Variants in EYS observed in about 807,000 individuals in gnomAD.
The protein encoded by EYS is EGF-like photoreceptor maintenance factor.
In EYS, 250 loss-of-function variants were observed where a neutral mutation model predicts 282.1. The observed-to-expected ratio is 0.89, with a 90% CI of 0.80 to 0.98. EYS has a LOEUF of 0.98. Among genes scored for constraint, EYS ranks in the 50% least tolerant of loss-of-function variants. The probability of loss-of-function intolerance (pLI) is 0.00; values close to 1 mark genes in which losing one functional copy is unlikely to be tolerated. For synonymous variants in EYS, 1,355 were observed against 1,282.9 expected, an observed-to-expected ratio of 1.06 and a Z score of -1.20; for missense variants, 4,016 against 3,709.0, an observed-to-expected ratio of 1.08 and a Z score of -2.15.
intron 11 of EYS, among the ~76,000 whole-genome samples, chr6:65,334,718 A>G (rs1483735815): frequency 6.6e-6 from 1 of 151,864 alleles, no homozygotes; most frequent in Non-Finnish European, 1.5e-5. Flanking sequence ...TGCTAACTTA[A>G]TTCTACAATG....
At chr6:64,313,784 G>A (rs1344225376) in intron 29 of EYS, among the ~76,000 whole-genome samples, 1 of 152,084 alleles carries the variant, frequency 6.6e-6, no homozygotes, top group African/African-American at 2.4e-5. Context: ...ATAAGTGAAG[G>A]AGAAATAAAA....
chr6:64,032,743 T>C (rs995253870), intron 33 of EYS, among the ~76,000 whole-genome samples: 1 of 152,188 alleles, frequency 6.6e-6, no homozygotes, highest in Non-Finnish European at 1.5e-5. Context: ...TTACTAATAC[T>C]GGATTATAAA....
At chr6:65,558,775 G>T (rs1768916979) in intron 2 of EYS, among the ~76,000 whole-genome samples, 1 of 152,202 alleles carries the variant, frequency 6.6e-6, no homozygotes, top group East Asian at 1.9e-4. Context: ...AAATGCATCA[G>T]CCTGGCCTAT....
chr6:64,264,755 CA>C (rs2150354645), intron 30 of EYS, among the ~76,000 whole-genome samples: 1 of 152,004 alleles, frequency 6.6e-6, no homozygotes, highest in South Asian at 2.1e-4. Flanking sequence ...ACTAAAAATA[CA>C]AAAATTTTCC....
At chr6:64,133,550 A>G (rs1040634471) in intron 31 of EYS, among the ~76,000 whole-genome samples, 15 of 151,840 alleles carry the variant, frequency 9.9e-5, no homozygotes, top group African/African-American at 3.1e-4. Context: ...AACTATGTCA[A>G]TAGTGCTCAT....
chr6:65,527,201 C>T (rs1279063788), intron 2 of EYS, among the ~76,000 whole-genome samples: 1 of 152,144 alleles, frequency 6.6e-6, no homozygotes. Context: ...GTAGTATATT[C>T]TGGTTAACCC....
intron 33 of EYS, among the ~76,000 whole-genome samples, chr6:64,012,598 T>C (rs1768690000): frequency 6.6e-6 from 1 of 152,222 alleles, no homozygotes; most frequent in South Asian, 2.1e-4. Flanking sequence ...TGGGTGAAAC[T>C]GTCCAGAGAC....
chr6:64,150,150 G>T (rs1471004377), intron 31 of EYS, among the ~76,000 whole-genome samples: 1 of 152,150 alleles, frequency 6.6e-6, no homozygotes, highest in Non-Finnish European at 1.5e-5. Context: ...CAGAAATGTG[G>T]AATCTCAGGC....
chr6:63,890,822 A>G (rs370922104), intron 35 of EYS, among the ~76,000 whole-genome samples: 2 of 152,260 alleles, frequency 1.3e-5, no homozygotes, highest in African/African-American at 4.8e-5. Flanking sequence ...TTTTTTGAAA[A>G]CATTAACAAA....
chr6:64,406,941 A>G (rs1037859494), intron 28 of EYS, among the ~76,000 whole-genome samples: 3 of 152,246 alleles, frequency 2.0e-5, no homozygotes, highest in Non-Finnish European at 2.9e-5. Context: ...CAGCAGTCCC[A>G]TTACTGGGTA....
intron 33 of EYS, among the ~76,000 whole-genome samples, chr6:64,038,354 A>G (rs1323672881): frequency 6.6e-6 from 1 of 152,180 alleles, no homozygotes; most frequent in Non-Finnish European, 1.5e-5. Context: ...GTGAGGTAAT[A>G]TATATGTTAA....
chr6:65,202,398 G>A (rs1163188970), intron 12 of EYS, among the ~76,000 whole-genome samples: 1 of 152,064 alleles, frequency 6.6e-6, no homozygotes, highest in Non-Finnish European at 1.5e-5. Flanking sequence ...CTAGCTGTTT[G>A]TGAAAGCTGT....
At chr6:64,553,083 A>G (rs1258399229) in intron 26 of EYS, among the ~76,000 whole-genome samples, 1 of 152,154 alleles carries the variant, frequency 6.6e-6, no homozygotes, top group Non-Finnish European at 1.5e-5. Context: ...CCTAAAATGT[A>G]TAAAACCAAG....
At chr6:64,979,348 A>C (rs1218178661) in intron 14 of EYS, among the ~76,000 whole-genome samples, 1 of 151,806 alleles carries the variant, frequency 6.6e-6, no homozygotes, top group East Asian at 1.9e-4. Context: ...GTACTAGCTA[A>C]TTAATTATAT....
At chr6:64,708,353 C>T (rs1299531114) in intron 22 of EYS, among the ~76,000 whole-genome samples, 1 of 152,182 alleles carries the variant, frequency 6.6e-6, no homozygotes, top group Non-Finnish European at 1.5e-5. Context: ...AAGCAAAATG[C>T]TTGTTTACCT....
chr6:64,796,265 A>G (rs1774351991), intron 22 of EYS, among the ~76,000 whole-genome samples: 1 of 151,804 alleles, frequency 6.6e-6, no homozygotes, highest in African/African-American at 2.4e-5. Context: ...ATTTATATGT[A>G]GCTACTGGGA....
At chr6:65,041,642 G>A (rs894555264) in intron 13 of EYS, among the ~76,000 whole-genome samples, 21 of 151,642 alleles carry the variant, frequency 1.4e-4, no homozygotes, top group African/African-American at 3.9e-4. Flanking sequence ...CAGTCCCATC[G>A]TCAACTCATC....
In EYS at chr6:64,590,297, T is replaced by C; in HGVS notation, c.5570A>G (p.His1857Arg). 1.9e-6 allele frequency: 3 copies of C among 1,551,052 alleles called. No homozygotes were observed. The highest frequency in any genetic ancestry group is 2.4e-5 in the South Asian group (2 of 84,042). The part of the protein sequence containing the change: ...QYQEFPTASR[H>R]LPFTRSLTLS... Reference sequence around the variant, plus strand: ...AGTAAGAGATCTAGTGAAGGGAAGATGCCGGCTTGCAGTGGGAAATTCCTG... The same window carrying C: ...AGTAAGAGATCTAGTGAAGGGAAGACGCCGGCTTGCAGTGGGAAATTCCTG... Residue 1857 changes from histidine to arginine, a missense_variant, in exon 26 of 43, where the codon CAT (histidine) becomes CGT (arginine). Transcript: ENST00000503581.
At chr6:65,370,345 C>T (rs1257222758) in intron 8 of EYS, among the ~76,000 whole-genome samples, 1 of 143,776 alleles carries the variant, frequency 7.0e-6, no homozygotes, top group Non-Finnish European at 1.5e-5. Flanking sequence ...AGTCTTAATT[C>T]CTGGGCTCAA....
Sources: allele counts gnomAD v4.1 joint callset (sites outside exome capture counted in the v4.1 genomes callset), GRCh38; gene constraint gnomAD v4.1.1; transcripts MANE v1.5; gene names NCBI Gene and HGNC (gene_info 2026-07-23, HGNC 2026-07-21).